LRIF1: variants seen among roughly 807,000 people sequenced by gnomAD.
LRIF1 encodes the protein ligand dependent nuclear receptor interacting factor 1, also known as ligand-dependent nuclear receptor-interacting factor 1.
In LRIF1, 32 loss-of-function variants were observed where a neutral mutation model predicts 52.7. The ratio of observed to expected loss-of-function variants is 0.61; its 90% CI spans 0.46 to 0.82. The LOEUF (loss-of-function observed/expected upper bound fraction) is 0.82. Among genes scored for constraint, LRIF1 ranks in the 40% least tolerant of loss-of-function variants. The pLI is 0.00. For missense variants in LRIF1, 887 were observed against 892.0 expected (o/e 0.99, Z 0.07); for synonymous variants, 323 against 317.4 (o/e 1.02, Z -0.19).
chr1:110,907,223 C>T, the LRIF1 span, among the ~76,000 whole-genome samples: 1 of 152,158 alleles, frequency 6.6e-6, no homozygotes, highest in Admixed American at 6.5e-5. Context: ...CAGCCAAAAC[C>T]TGGTGATACG....
chr1:110,907,055 C>A, the LRIF1 span, among the ~76,000 whole-genome samples: 15 of 152,144 alleles, frequency 9.9e-5, no homozygotes. Flanking sequence ...AAAGAACTCT[C>A]AGCATATAAC....
the LRIF1 span, among the ~76,000 whole-genome samples, chr1:110,891,920 A>G: frequency 6.6e-6 from 1 of 152,262 alleles, no homozygotes; most frequent in African/African-American, 2.4e-5. Flanking sequence ...GTACTTGTGT[A>G]TATGAGAAGA....
At chr1:110,959,614 G>C (rs927470227) in intron 1 of LRIF1, among the ~76,000 whole-genome samples, 13 of 151,776 alleles carry the variant, frequency 8.6e-5, no homozygotes, top group Admixed American at 4.6e-4. Context: ...GCCGGGCGTG[G>C]TGGCACACGC....
chr1:110,920,647 G>A, the LRIF1 span, among the ~76,000 whole-genome samples: 5 of 152,122 alleles, frequency 3.3e-5, no homozygotes, highest in South Asian at 6.2e-4. Context: ...CCCATAGAAC[G>A]TACAACACCA....
chr1:110,915,916 C>G, the LRIF1 span, among the ~76,000 whole-genome samples: 2 of 152,198 alleles, frequency 1.3e-5, no homozygotes. Context: ...GTAGTAGATG[C>G]CTGACTGACA....
At chr1:110,926,709 C>T in the LRIF1 span, among the ~76,000 whole-genome samples, 2 of 152,106 alleles carry the variant, frequency 1.3e-5, no homozygotes, top group African/African-American at 4.8e-5. Context: ...CTGCATTAAT[C>T]TATTGTTTCC....
the LRIF1 span, among the ~76,000 whole-genome samples, chr1:110,913,864 C>T: frequency 6.6e-6 from 1 of 152,250 alleles, no homozygotes; most frequent in South Asian, 2.1e-4. Context: ...CAGCACTATT[C>T]ACAATAGCAA....
At chr1:110,928,566 A>G in the LRIF1 span, among the ~76,000 whole-genome samples, 1 of 152,216 alleles carries the variant, frequency 6.6e-6, no homozygotes, top group Non-Finnish European at 1.5e-5. Flanking sequence ...AGAATTAAAT[A>G]AGTAAACTAT....
chr1:110,911,191 A>G, the LRIF1 span, among the ~76,000 whole-genome samples: 1 of 152,148 alleles, frequency 6.6e-6, no homozygotes, highest in African/African-American at 2.4e-5. Flanking sequence ...CCAGGGAAAA[A>G]AAAAACCTGG....
the LRIF1 span, among the ~76,000 whole-genome samples, chr1:110,924,594 T>A: frequency 6.6e-6 from 1 of 152,178 alleles, no homozygotes; most frequent in Non-Finnish European, 1.5e-5. Flanking sequence ...GAGAACAACA[T>A]GGAGGAAACC....
At chr1:110,924,606 C>T in the LRIF1 span, among the ~76,000 whole-genome samples, 1 of 152,170 alleles carries the variant, frequency 6.6e-6, no homozygotes, top group Non-Finnish European at 1.5e-5. Context: ...GAGGAAACCG[C>T]CCCCATGATT....
chr1:110,881,345 A>C, the LRIF1 span, among the ~76,000 whole-genome samples: 1 of 152,054 alleles, frequency 6.6e-6, no homozygotes, highest in Non-Finnish European at 1.5e-5. Context: ...TATAACTGGA[A>C]TCATACAGAA....
chr1:110,947,990 T>C lies in LRIF1; in HGVS notation c.2279A>G (p.Glu760Gly). 1 of 1,589,570 alleles carries C rather than the reference T, an allele frequency of 6.3e-7. No individual in the cohort carries two copies. The highest frequency in any genetic ancestry group is 8.5e-7 in the Non-Finnish European group (1 of 1,170,692). Residue 760 changes from glutamate to glycine, a missense_variant, in exon 4 of 4, where the codon GAA becomes GGA. By Grantham distance (98) the Glu-to-Gly change is moderately conservative. Coordinates refer to ENST00000369763, the MANE Select transcript of LRIF1 (RefSeq NM_018372.4). ...TTGGTGCATCTTCTTACGCATTTCT[T>C]CAAGAGCTGCTTCTTTCTCTCTCAG... The part of the protein sequence containing the change: ...QVLREKEAAL[E>G]EMRKKMHQK
chr1:110,954,693 CTGTTT>C (rs1261561044), intron 1 of LRIF1, among the ~76,000 whole-genome samples: 4 of 152,142 alleles, frequency 2.6e-5, no homozygotes, highest in Non-Finnish European at 5.9e-5. Flanking sequence ...TACCAAGTGT[CTGTTT>C]TAAGTTAAGC....
At chr1:110,878,690 G>C in the LRIF1 span, among the ~76,000 whole-genome samples, 1 of 152,012 alleles carries the variant, frequency 6.6e-6, no homozygotes, top group East Asian at 1.9e-4. Context: ...AGCTTACAAA[G>C]GTGTTTCTCT....
At chr1:110,953,099 T>G (rs1557840590) in intron 1 of LRIF1, 1 of 161,290 alleles carries the variant, frequency 6.2e-6, no homozygotes, top group East Asian at 1.6e-4. Context: ...ATTATACTAC[T>G]AAAGTAAGCT....
chr1:110,900,750 CAAAA>C, the LRIF1 span, among the ~76,000 whole-genome samples: 1 of 112,536 alleles, frequency 8.9e-6, no homozygotes, highest in Non-Finnish European at 1.8e-5. Context: ...AGCTCACACT[CAAAA>C]AAAAAAAAAA....
the LRIF1 span, among the ~76,000 whole-genome samples, chr1:110,888,939 T>C: frequency 6.6e-5 from 10 of 152,196 alleles, no homozygotes. Context: ...GAAATATTCT[T>C]TGATCAACCC....
chr1:110,884,365 T>C, the LRIF1 span, among the ~76,000 whole-genome samples: 13 of 152,130 alleles, frequency 8.5e-5, no homozygotes, highest in African/African-American at 2.7e-4. Context: ...CTAAATTTGT[T>C]GAAACTTGAT....
Sources: gnomAD v4.1 joint callset for allele counts (sites outside exome capture counted in the v4.1 genomes callset) on GRCh38, gnomAD v4.1.1 for gene constraint, MANE v1.5 for transcripts, NCBI Gene and HGNC (gene_info 2026-07-23, HGNC 2026-07-21) for gene names.